Variants in PAXIP1 observed in about 807,000 individuals in gnomAD.
The protein encoded by PAXIP1 is PAX interacting protein 1.
PAXIP1 carries 19 observed loss-of-function variants against 140.6 expected under a neutral mutation model. That is an observed-to-expected ratio of 0.14 (90% CI 0.09 to 0.20). The LOEUF (loss-of-function observed/expected upper bound fraction) is 0.20. Among genes scored for constraint, PAXIP1 ranks in the 10% least tolerant of loss-of-function variants. The pLI, the probability that PAXIP1 is intolerant of heterozygous loss-of-function variation, is 1.00. For synonymous variants in PAXIP1, 442 were observed against 444.6 expected (o/e 0.99, Z 0.07); for missense variants, 920 against 1,208.6 (o/e 0.76, Z 3.54).
chr7:154,994,873 A>G (rs1810499715), intron 2 of PAXIP1, among the ~76,000 whole-genome samples: 1 of 152,254 alleles, frequency 6.6e-6, no homozygotes, highest in Non-Finnish European at 1.5e-5. Context: ...GAAATCTGAA[A>G]GAAGGCACTT....
upstream of PAXIP1, chr7:155,003,163 C>T (rs1470063001): frequency 3.3e-5 from 5 of 150,926 alleles, no homozygotes; most frequent in East Asian, 9.8e-4. Context: ...CACCATCCCG[C>T]CCCGGCCACC....
chr7:154,962,423 G>C lies in PAXIP1; in HGVS notation c.2025C>G (p.His675Gln). 6.2e-7 allele frequency: 1 copy of C among 1,613,300 alleles called. No individual in the cohort carries two copies. The highest frequency in any genetic ancestry group is 1.3e-5 in the African/African-American group (1 of 75,032). ...TCTTCTTTAAGACTGTGTTTAACCAGTGTGCAGTAACACATCTCTTTCTTT... is the reference window on the plus strand; with the variant it reads ...TCTTCTTTAAGACTGTGTTTAACCACTGTGCAGTAACACATCTCTTTCTTT... ...IRERKRCVTA[H>Q]WLNTVLKKKK... Residue 675 changes from histidine (H) to glutamine (Q), a missense_variant, in exon 10 of 21, where the codon CAC becomes CAG. By Grantham distance (24) the His-to-Gln change is conservative. Around this residue, in one of 5 missense-constraint regions of PAXIP1, gnomAD observed 303 missense variants for 517.9 expected, o/e 0.59. Transcript: ENST00000404141.
intron 6 of PAXIP1, among the ~76,000 whole-genome samples, chr7:154,971,783 A>G (rs1411511660): frequency 6.6e-6 from 1 of 152,208 alleles, no homozygotes; most frequent in Non-Finnish European, 1.5e-5. Context: ...TAAATTTGCA[A>G]TTTAAACAGG....
chr7:154,959,799 A>ACG, intron 13 of PAXIP1, 91 bp downstream of exon 13: 1 of 857,020 alleles, frequency 1.2e-6, no homozygotes, highest in Non-Finnish European at 1.9e-6. Flanking sequence ...ACAAGTTACT[A>ACG]AAATAATTTT....
At position 154,962,195 on chromosome 7, in the gene PAXIP1, G is replaced by A. The variant is rs565767011; in HGVS notation, c.2127+126C>T. On this transcript the variant is annotated intron_variant, in intron 10 of 20. Transcript: ENST00000404141. Reference sequence around the variant, plus strand: ...TTATGAGCAGGCACTTATGAACTGGGCAAAAGTACATAGAGAAGCTCTGAC... The same window carrying A: ...TTATGAGCAGGCACTTATGAACTGGACAAAAGTACATAGAGAAGCTCTGAC... The A allele has an allele frequency of 6.1e-6, 6 of 978,042 alleles. No homozygotes were observed. In the African/African-American group the frequency reaches 9.7e-5, roughly 16 times the overall value. The allele number at this position is 978,042 out of a possible 1,614,324, so 60.6% of individuals were successfully genotyped here.
Position 154,954,493 on chromosome 7 carries a change from A to T in PAXIP1, c.2653-70T>A, listed in dbSNP as rs1585041489. ...CACAGAGCCACACTGACACAGAGTA[A>T]CACAGAGGAATATCTACCTAAAGAC... is the stretch of plus-strand genomic sequence containing the variant. On this transcript the variant is annotated intron_variant, in intron 15 of 20. Transcript: ENST00000404141. This position sits in a 1 kb window ranked among gnomAD's most constrained non-coding sequence, Gnocchi z 5.1. The T allele has an allele frequency of 9.5e-7, 1 of 1,054,868 alleles. No individual in the cohort carries two copies. Among genetic ancestry groups the T allele is most frequent in the East Asian group, 3.1e-5 (1 of 32,356 alleles). 65.3% of individuals were successfully genotyped at this position (1,054,868 alleles called of 1,614,324 possible).
Position 154,968,845 on chromosome 7 carries a change from C to CTGT in PAXIP1, c.1353_1355dup (p.Gln457dup). The CTGT allele has an allele frequency of 1.3e-6, 1 of 765,050 alleles. No individual in the cohort carries two copies. 47.4% of individuals were successfully genotyped at this position (765,050 alleles called of 1,614,324 possible). ...GCGGATGGGCTTGCTGCTGCTGCTG[C>CTGT]TGTTGCTGTGAAAATGGATGCGGCG... is the stretch of plus-strand genomic sequence containing the variant. On this transcript the variant is annotated inframe_insertion, in exon 7 of 21. Coordinates refer to ENST00000404141, the MANE Select transcript of PAXIP1 (RefSeq NM_007349.4).
chr7:155,001,398 G>C (rs918193240), intron 1 of PAXIP1: 3 of 151,292 alleles, frequency 2.0e-5, no homozygotes, highest in African/African-American at 7.3e-5. Context: ...GAGGGGCGGG[G>C]GAATCATCAA....
At chr7:154,989,817 G>A (rs1201394089) in intron 4 of PAXIP1, among the ~76,000 whole-genome samples, 1 of 152,142 alleles carries the variant, frequency 6.6e-6, no homozygotes, top group African/African-American at 2.4e-5. Flanking sequence ...TGCCACTTAA[G>A]ACGTTTCCCA....
In PAXIP1 at chr7:154,954,009, A is replaced by C. The variant is rs994704433; in HGVS notation, c.2821+246T>G. On this transcript the variant is annotated intron_variant, in intron 16 of 20. Coordinates refer to ENST00000404141, the MANE Select transcript of PAXIP1 (RefSeq NM_007349.4). This position sits in a 1 kb window ranked among gnomAD's most constrained non-coding sequence, Gnocchi z 5.1. ...CAAAATATACTAACAAGAAAATAAA[A>C]AGAGGGATATAGAGGTTGTTTTCCC... Among the ~76,000 whole-genome samples, 4 of 152,210 alleles carry C rather than the reference A, an allele frequency of 2.6e-5. No homozygotes were observed. Among genetic ancestry groups the C allele is most frequent in the Non-Finnish European group, 5.9e-5 (4 of 68,032 alleles).
At chr7:154,998,374 G>A (rs915378951) in intron 2 of PAXIP1, among the ~76,000 whole-genome samples, 6 of 152,136 alleles carry the variant, frequency 3.9e-5, no homozygotes. Context: ...CAGGCGTGGT[G>A]GCAGGCACTT....
rs189750306 is a variant in PAXIP1 at position 154,983,082 on chromosome 7, T to A, written c.438+137A>T. ...ATCGTTTGTGGAATGAAGCTGGATA[T>A]AAATAATATAAACCAATATAATCAG... On this transcript the variant is annotated intron_variant, in intron 5 of 20. Coordinates refer to ENST00000404141, the MANE Select transcript of PAXIP1 (RefSeq NM_007349.4). The A allele has an allele frequency of 5.8e-6, 3 of 517,652 alleles. No individual in the cohort carries two copies. In the Admixed American group the frequency reaches 1.2e-4, roughly 21 times the overall value. The allele number at this position is 517,652 out of a possible 1,614,324, so 32.1% of individuals were successfully genotyped here.
chr7:154,947,005 A>C (rs1274788284), intron 17 of PAXIP1, 192 bp from the exon 18 acceptor site: 3 of 497,834 alleles, frequency 6.0e-6, no homozygotes, highest in Non-Finnish European at 1.1e-5. Context: ...TTGGAATGTA[A>C]GCATTTTCAC....
chr7:154,970,704 C>T (rs1332017925), intron 6 of PAXIP1, among the ~76,000 whole-genome samples: 2 of 152,204 alleles, frequency 1.3e-5, no homozygotes, highest in African/African-American at 2.4e-5. Flanking sequence ...ACGTGTGGGG[C>T]ACCTGCCTGC....
rs768331043 is a variant in PAXIP1 at position 154,960,930 on chromosome 7, T to G, written c.2397A>C (p.Pro799=). 2 of 1,600,654 alleles carry G rather than the reference T, an allele frequency of 1.2e-6. No homozygotes were observed. Among genetic ancestry groups the G allele is most frequent in the South Asian group, 2.3e-5 (2 of 87,906 alleles). Residue 799 remains proline, a synonymous_variant, in exon 12 of 21, where the codon CCA becomes CCC. Transcript: ENST00000404141. ...SRYTAFSLQD[P]FAPTQHLVLN... ...AAACTAAATGCTGGGTAGGGGCAAA[T>G]GGATCCTGCAGACTGAATGCCGTGT...
At chr7:154,953,376 T>C (rs1808361664) in intron 16 of PAXIP1, among the ~76,000 whole-genome samples, 1 of 152,234 alleles carries the variant, frequency 6.6e-6, no homozygotes, top group African/African-American at 2.4e-5. Flanking sequence ...ATATCATTGC[T>C]ACATGATGGA....
At chr7:154,994,083 C>T (rs1256923171) in intron 2 of PAXIP1, among the ~76,000 whole-genome samples, 1 of 152,026 alleles carries the variant, frequency 6.6e-6, no homozygotes, top group Non-Finnish European at 1.5e-5. Flanking sequence ...CCCATCCTGC[C>T]CCACCACCGC....
In PAXIP1 at chr7:154,946,068, A is replaced by T; in HGVS notation, c.3194+297T>A. On this transcript the variant is annotated intron_variant, in intron 20 of 20. Coordinates refer to ENST00000404141, the MANE Select transcript of PAXIP1 (RefSeq NM_007349.4). The surrounding 1 kb of genome is among the most constrained non-coding windows in gnomAD (Gnocchi z 4.9). ...AAAGAAACATATATTTATTTTTGCA[A>T]TTATTTTCTATTTTATCTAATTGTC... 1.0e-6 allele frequency: 1 copy of T among 977,352 alleles called. No homozygotes were observed. Among genetic ancestry groups the T allele is most frequent in the Non-Finnish European group, 1.2e-6 (1 of 822,540 alleles). The allele number at this position is 977,352 out of a possible 1,614,324, so 60.5% of individuals were successfully genotyped here. A position where few individuals can be genotyped will look rare whatever the true frequency, so the allele number is the denominator to read the frequency against.
At chr7:154,985,928 G>A (rs1194061693) in intron 4 of PAXIP1, 23 of 1,022,848 alleles carry the variant, frequency 2.2e-5, no homozygotes, top group Non-Finnish European at 3.1e-5. Context: ...TTGAGATACA[G>A]AATGGAAAGG....
Sources: gnomAD v4.1 joint callset for allele counts (sites outside exome capture counted in the v4.1 genomes callset) on GRCh38, gnomAD v4.1.1 for gene constraint, gnomAD v4.1.1 regional missense constraint, Gnocchi (gnomAD v3.1) non-coding constraint, MANE v1.5 for transcripts, NCBI Gene and HGNC (gene_info 2026-07-23, HGNC 2026-07-21) for gene names.